The following VPS50 variants were observed in gnomAD, a reference collection of about 807,000 sequenced individuals.
VPS50 encodes the protein syndetin.
Under a neutral mutation model 139.7 loss-of-function variants are expected in VPS50, and 70 were observed. The ratio of observed to expected loss-of-function variants is 0.50; its 90% CI spans 0.41 to 0.61. The LOEUF is 0.61. Ranked by LOEUF, VPS50 falls within the 20% of genes least tolerant of loss-of-function variation. The probability of loss-of-function intolerance (pLI) is 0.00; values close to 1 mark genes in which losing one functional copy is unlikely to be tolerated. For synonymous variants in VPS50, 365 were observed against 376.7 expected, an observed-to-expected ratio of 0.97 and a Z score of 0.36; for missense variants, 921 against 1,133.7, an observed-to-expected ratio of 0.81 and a Z score of 2.69.
At chr7:93,300,335 A>G (rs1213885481) in intron 16 of VPS50, among the ~76,000 whole-genome samples, 1 of 152,158 alleles carries the variant, frequency 6.6e-6, no homozygotes, top group Non-Finnish European at 1.5e-5. Flanking sequence ...GGAATGTTTT[A>G]TAACTTATTT....
intron 23 of VPS50, 106 bp from the exon 24 acceptor site, chr7:93,348,605 T>A (rs938385344): frequency 4.1e-6 from 3 of 733,796 alleles, no homozygotes; most frequent in African/African-American, 1.8e-5. Context: ...GTAATTTTTA[T>A]TGTTAAAGTT....
In VPS50 at chr7:93,240,505, T is replaced by C. The variant is rs1246418884; in HGVS notation, c.102+571T>C. Reference sequence around the variant, plus strand: ...TCACGTGAATTTCTCAGTTTACAAATTTTATATAGGTTATTTGAAAGCTAG... The same window carrying C: ...TCACGTGAATTTCTCAGTTTACAAACTTTATATAGGTTATTTGAAAGCTAG... On this transcript the variant is annotated intron_variant, in intron 2 of 27. Coordinates refer to ENST00000305866, the MANE Select transcript of VPS50 (RefSeq NM_017667.4). 2.0e-5 allele frequency among the ~76,000 whole-genome samples: 3 copies of C among 152,250 alleles called. No homozygotes were observed. The East Asian group carries it at 5.8e-4, about 29-fold the overall frequency.
chr7:93,267,200 A>G (rs1204617565), intron 9 of VPS50, among the ~76,000 whole-genome samples: 5 of 152,218 alleles, frequency 3.3e-5, no homozygotes, highest in Non-Finnish European at 7.3e-5. Flanking sequence ...AATGTTTATC[A>G]GTTCTGAATT....
At chr7:93,342,462 A>G (rs10266225) in intron 23 of VPS50, among the ~76,000 whole-genome samples, 79,714 of 151,736 alleles carry the variant, frequency 0.53, 24,416 homozygotes, top group African/African-American at 0.86. Context: ...AGCTCGAACT[A>G]GGTGGAGCCC....
chr7:93,248,838 C>T (rs920250091), intron 2 of VPS50, among the ~76,000 whole-genome samples: 4 of 152,000 alleles, frequency 2.6e-5, no homozygotes, highest in African/African-American at 7.2e-5. Flanking sequence ...AAAAAGAACA[C>T]GGTGATCGGG....
At position 93,287,009 on chromosome 7, in the gene VPS50, TA is replaced by T. The variant is rs1304107799; in HGVS notation, c.943-4684del. ...GAAAACGTTGTTTTTTTTTTTTTTT[TA>T]AAAAAAAAACTACCCCACCTTGCCT... On this transcript the variant is annotated intron_variant, in intron 12 of 27. Transcript: ENST00000305866. 3.4e-3 allele frequency among the ~76,000 whole-genome samples: 479 copies of T among 140,250 alleles called. 3 individuals carry two copies. Among genetic ancestry groups the T allele is most frequent in the African/African-American group, 0.011 (413 of 36,422 alleles). 92.0% of individuals were successfully genotyped at this position (140,250 alleles called of 152,430 possible).
chr7:93,353,278 G>A (rs1430837334), intron 25 of VPS50, among the ~76,000 whole-genome samples: 1 of 152,058 alleles, frequency 6.6e-6, no homozygotes. Context: ...TTTAAACCTG[G>A]GTTTCTTGAA....
intron 20 of VPS50, among the ~76,000 whole-genome samples, chr7:93,313,270 G>C (rs1042995133): frequency 1.3e-5 from 2 of 152,176 alleles, no homozygotes; most frequent in Non-Finnish European, 2.9e-5. Context: ...AGCACTGCAA[G>C]TCAAGGGAAG....
chr7:93,332,384 A>AT, intron 21 of VPS50, among the ~76,000 whole-genome samples: 1 of 152,274 alleles, frequency 6.6e-6, no homozygotes. Flanking sequence ...GCTAAAGCTG[A>AT]TTTTATCTCC....
chr7:93,252,862 T>C, intron 3 of VPS50, 87 bp downstream of exon 3: 1 of 1,070,528 alleles, frequency 9.3e-7, no homozygotes, highest in African/African-American at 1.6e-5. Flanking sequence ...TTGAGGCATT[T>C]ATGTATTTTT....
intron 21 of VPS50, among the ~76,000 whole-genome samples, chr7:93,326,628 A>G (rs77239138): frequency 0.047 from 7,136 of 151,992 alleles, 250 homozygotes; most frequent in East Asian, 0.16. Context: ...CTTATTGAGT[A>G]TATCTTTTTC....
chr7:93,352,103 T>A (rs1396566813), intron 25 of VPS50, among the ~76,000 whole-genome samples: 1 of 152,226 alleles, frequency 6.6e-6, no homozygotes, highest in Non-Finnish European at 1.5e-5. Context: ...ATAACAAGCA[T>A]TTTTGAGCAT....
In VPS50 at chr7:93,359,487, G is replaced by T. The variant is rs1798791690; in HGVS notation, c.*1051G>T. 1 of 152,126 alleles carries T rather than the reference G, an allele frequency of 6.6e-6. No homozygotes were observed. Among genetic ancestry groups the T allele is most frequent in the Non-Finnish European group, 1.5e-5 (1 of 68,012 alleles). 9.4% of individuals were successfully genotyped at this position (152,126 alleles called of 1,614,324 possible). ...CTCTAAACTTTGCCCTGAAGCCAGGGATCTTCTCCTAATGTATGTGACATA... is the reference window on the plus strand; with the variant it reads ...CTCTAAACTTTGCCCTGAAGCCAGGTATCTTCTCCTAATGTATGTGACATA... On this transcript the variant is annotated 3_prime_UTR_variant, in exon 28 of 28. Coordinates refer to ENST00000305866, the MANE Select transcript of VPS50 (RefSeq NM_017667.4).
intron 10 of VPS50, among the ~76,000 whole-genome samples, chr7:93,271,697 G>T (rs868455894): frequency 6.6e-6 from 1 of 151,608 alleles, no homozygotes; most frequent in African/African-American, 2.4e-5. Flanking sequence ...CATCAAAAAC[G>T]TAGAAACTAA....
chr7:93,349,090 C>T (rs1345110917), intron 24 of VPS50, among the ~76,000 whole-genome samples: 1 of 152,012 alleles, frequency 6.6e-6, no homozygotes, highest in Non-Finnish European at 1.5e-5. Context: ...GTGTATTTAA[C>T]CCAGACTGGA....
At chr7:93,241,688 C>G (rs370989021) in intron 2 of VPS50, among the ~76,000 whole-genome samples, 1 of 151,906 alleles carries the variant, frequency 6.6e-6, no homozygotes, top group East Asian at 1.9e-4. Context: ...AGTCAGTAAA[C>G]TGAGTCTTTG....
chr7:93,318,632 T>A (rs1797501816), intron 20 of VPS50, among the ~76,000 whole-genome samples: 1 of 152,186 alleles, frequency 6.6e-6, no homozygotes, highest in East Asian at 1.9e-4. Context: ...GTAGCATCTA[T>A]ATGTGGCACC....
chr7:93,252,749 T>C lies in VPS50; in HGVS notation c.199T>C (p.Phe67Leu), dbSNP rs768852023. 1 of 1,590,206 alleles carries C rather than the reference T, an allele frequency of 6.3e-7. No homozygotes were observed. Among genetic ancestry groups the C allele is most frequent in the South Asian group, 1.1e-5 (1 of 88,790 alleles). The change falls in exon 3 of 28, where the codon TTT (phenylalanine) becomes CTT (leucine). Residue 67 changes from phenylalanine to leucine, a missense_variant. This residue lies in a region of VPS50 where 744 missense variants were observed against 930.6 expected (regional missense o/e 0.80). Coordinates refer to ENST00000305866, the MANE Select transcript of VPS50 (RefSeq NM_017667.4). The stretch of plus-strand genomic sequence containing the variant: ...ACAAGTATATTTTTCTGTGGATTCA[T>C]TTGATATTGTTAAATATGAGCTGGA... ...IEQVYFSVDS[F>L]DIVKYELEKL...
chr7:93,247,243 A>G (rs1159151214), intron 2 of VPS50, among the ~76,000 whole-genome samples: 2 of 151,860 alleles, frequency 1.3e-5, no homozygotes. Context: ...ATATAGCCTA[A>G]CCTGAGGCAG....
Sources: allele counts gnomAD v4.1 joint callset (sites outside exome capture counted in the v4.1 genomes callset), GRCh38; gene constraint gnomAD v4.1.1; regional missense constraint gnomAD v4.1.1; transcripts MANE v1.5; gene names NCBI Gene and HGNC (gene_info 2026-07-23, HGNC 2026-07-21).